PLCE1: variants seen among roughly 807,000 people sequenced by gnomAD.
PLCE1 encodes 1-phosphatidylinositol 4,5-bisphosphate phosphodiesterase epsilon-1.
Under a neutral mutation model 242.8 loss-of-function variants are expected in PLCE1, and 119 were observed. The ratio of observed to expected loss-of-function variants is 0.49; its 90% CI spans 0.42 to 0.57. The LOEUF is 0.57. PLCE1 is among the 20% of genes least tolerant of loss of function. PLCE1 has a pLI of 0.00. For missense variants in PLCE1, 2,441 were observed against 2,788.8 expected, an observed-to-expected ratio of 0.88 and a Z score of 2.81; for synonymous variants, 945 against 1,017.4, an observed-to-expected ratio of 0.93 and a Z score of 1.35.
At chr10:94,278,055 A>G (rs547579402) in intron 19 of PLCE1, among the ~76,000 whole-genome samples, 2 of 152,322 alleles carry the variant, frequency 1.3e-5, no homozygotes, top group South Asian at 4.1e-4. Flanking sequence ...GTTATCTGGA[A>G]TGGACTGCTT....
At chr10:94,224,103 CGTGT>C (rs56911704) in intron 4 of PLCE1, among the ~76,000 whole-genome samples, 25 of 150,056 alleles carry the variant, frequency 1.7e-4, no homozygotes, top group African/African-American at 5.4e-4. Flanking sequence ...GGTGTGTGTG[CGTGT>C]GTGTGTGTGT....
At chr10:94,294,010 G>A (rs2052724540) in intron 23 of PLCE1, among the ~76,000 whole-genome samples, 1 of 152,156 alleles carries the variant, frequency 6.6e-6, no homozygotes. Flanking sequence ...GGGAGGCTGA[G>A]GCAAGAGAAT....
chr10:94,294,118 A>T (rs1265481420), intron 23 of PLCE1, among the ~76,000 whole-genome samples: 5 of 152,166 alleles, frequency 3.3e-5, no homozygotes, highest in Non-Finnish European at 7.3e-5. Flanking sequence ...AAAAAATATT[A>T]AAAAATTAAA....
intron 2 of PLCE1, among the ~76,000 whole-genome samples, chr10:94,094,967 T>C (rs1218064914): frequency 1.3e-5 from 2 of 152,278 alleles, no homozygotes; most frequent in African/African-American, 2.4e-5. Flanking sequence ...GATTAAAAAC[T>C]TATTAGCAAA....
intron 23 of PLCE1, among the ~76,000 whole-genome samples, chr10:94,296,544 T>C (rs1213022625): frequency 6.6e-6 from 1 of 152,174 alleles, no homozygotes; most frequent in Non-Finnish European, 1.5e-5. Flanking sequence ...CCAACTTTTC[T>C]TCTGCAGCTT....
intron 2 of PLCE1, among the ~76,000 whole-genome samples, chr10:94,071,256 A>G (rs1348490685): frequency 6.6e-6 from 1 of 151,986 alleles, no homozygotes; most frequent in Non-Finnish European, 1.5e-5. Context: ...CTCTCACACC[A>G]TCCTGGCTAG....
At position 94,134,528 on chromosome 10, in the gene PLCE1, A is replaced by G. The variant is rs2046706511; in HGVS notation, c.1492+2069A>G. 1.3e-5 allele frequency among the ~76,000 whole-genome samples: 2 copies of G among 152,180 alleles called. 1 individual carries two copies. The highest frequency in any genetic ancestry group is 4.1e-4 in the South Asian group (2 of 4,824). ...TGTAAAGCATATGTTAGTTAGCTCA[A>G]CTGAACCATTCCACAAGGTATACAT... On this transcript the variant is annotated intron_variant, in intron 3 of 32. Transcript: ENST00000371380.
intron 4 of PLCE1, among the ~76,000 whole-genome samples, chr10:94,172,777 G>A (rs1279732815): frequency 6.6e-6 from 1 of 152,148 alleles, no homozygotes; most frequent in Non-Finnish European, 1.5e-5. Context: ...CAGTGAGCTA[G>A]GATCACGTCA....
intron 4 of PLCE1, among the ~76,000 whole-genome samples, chr10:94,178,256 T>A (rs2048185546): frequency 6.6e-6 from 1 of 152,158 alleles, no homozygotes; most frequent in Admixed American, 6.5e-5. Flanking sequence ...AGTTTTTGCT[T>A]GTTGGGTGGT....
At chr10:94,277,785 GAAAA>G (rs371531373) in intron 19 of PLCE1, among the ~76,000 whole-genome samples, 2 of 152,216 alleles carry the variant, frequency 1.3e-5, no homozygotes, top group African/African-American at 4.8e-5. Context: ...AAAGACAGGG[GAAAA>G]AAATTTCCTG....
At chr10:94,255,935 C>T (rs1318879167) in intron 11 of PLCE1, among the ~76,000 whole-genome samples, 1 of 149,338 alleles carries the variant, frequency 6.7e-6, no homozygotes, top group Non-Finnish European at 1.5e-5. Context: ...CTCTCTCTCT[C>T]TCTCTCTCTC....
intron 17 of PLCE1, among the ~76,000 whole-genome samples, chr10:94,269,525 T>C (rs1332897683): frequency 6.6e-6 from 1 of 152,186 alleles, no homozygotes; most frequent in Non-Finnish European, 1.5e-5. Flanking sequence ...GTGCACATGT[T>C]CATTTTTCTG....
intron 4 of PLCE1, among the ~76,000 whole-genome samples, chr10:94,215,889 C>T (rs2137004372): frequency 6.6e-6 from 1 of 152,200 alleles, no homozygotes; most frequent in East Asian, 1.9e-4. Flanking sequence ...TGCCACTGCA[C>T]TCCAGCCTGG....
At chr10:94,134,131 T>C (rs2046693121) in intron 3 of PLCE1, among the ~76,000 whole-genome samples, 1 of 151,806 alleles carries the variant, frequency 6.6e-6, no homozygotes, top group Admixed American at 6.6e-5. Flanking sequence ...GATGCAGTCT[T>C]ACTCTGTCAC....
chr10:94,288,763 T>C (rs889784935), intron 22 of PLCE1, among the ~76,000 whole-genome samples: 2 of 152,178 alleles, frequency 1.3e-5, no homozygotes, highest in African/African-American at 4.8e-5. Flanking sequence ...TTTTTATTCC[T>C]ACACTGAAGG....
intron 24 of PLCE1, among the ~76,000 whole-genome samples, chr10:94,302,684 C>T (rs1026617285): frequency 1.3e-5 from 2 of 152,126 alleles, no homozygotes; most frequent in African/African-American, 2.4e-5. Context: ...ACCACTTACT[C>T]GTTATGTTTC....
chr10:94,057,226 C>T (rs1157951989), intron 2 of PLCE1, among the ~76,000 whole-genome samples: 4 of 151,980 alleles, frequency 2.6e-5, no homozygotes, highest in East Asian at 1.9e-4. Flanking sequence ...TGAGAAATTA[C>T]CCAACAATTT....
intron 3 of PLCE1, among the ~76,000 whole-genome samples, chr10:94,159,026 C>T (rs1318172337): frequency 6.6e-6 from 1 of 151,804 alleles, no homozygotes. Context: ...CACGTTTTCA[C>T]AGTGAGCATG....
chr10:94,035,708 A>G (rs1215704823), intron 2 of PLCE1, among the ~76,000 whole-genome samples: 5 of 152,188 alleles, frequency 3.3e-5, no homozygotes, highest in African/African-American at 9.6e-5. Flanking sequence ...CATATCAGCA[A>G]TGAATCAGTA....
Sources: gnomAD v4.1 joint callset for allele counts (sites outside exome capture counted in the v4.1 genomes callset) on GRCh38, gnomAD v4.1.1 for gene constraint, MANE v1.5 for transcripts, NCBI Gene and HGNC (gene_info 2026-07-23, HGNC 2026-07-21) for gene names.